SBF2: variants seen among roughly 807,000 people sequenced by gnomAD.
SBF2 encodes the protein myotubularin-related protein 13.
In SBF2, 112 loss-of-function variants were observed where a neutral mutation model predicts 225.2. The observed-to-expected ratio is 0.50, with a 90% CI of 0.43 to 0.58. SBF2 has a LOEUF of 0.58. Among genes scored for constraint, SBF2 ranks in the 20% least tolerant of loss-of-function variants. The pLI, the probability that SBF2 is intolerant of heterozygous loss-of-function variation, is 0.00. For synonymous variants in SBF2, 763 were observed against 773.3 expected, an observed-to-expected ratio of 0.99 and a Z score of 0.22; for missense variants, 1,996 against 2,206.2, an observed-to-expected ratio of 0.90 and a Z score of 1.91.
chr11:10,159,443 C>T (rs1271222827), intron 2 of SBF2, among the ~76,000 whole-genome samples: 2 of 152,190 alleles, frequency 1.3e-5, no homozygotes, highest in Non-Finnish European at 2.9e-5. Flanking sequence ...CTGCACTTGA[C>T]AGATCAGCTG....
intron 35 of SBF2, 40 bp downstream of exon 35, chr11:9,789,069 G>T: frequency 6.4e-7 from 1 of 1,569,210 alleles, no homozygotes; most frequent in Non-Finnish European, 8.8e-7. Flanking sequence ...TGCCTCCAGG[G>T]CCCCTGGTGC....
chr11:9,970,078 T>C (rs1867226050), intron 13 of SBF2, among the ~76,000 whole-genome samples: 1 of 152,214 alleles, frequency 6.6e-6, no homozygotes, highest in Non-Finnish European at 1.5e-5. Flanking sequence ...TAAAGTTCTC[T>C]AGGGAAGGCT....
At chr11:9,866,121 T>A (rs570493797) in intron 17 of SBF2, among the ~76,000 whole-genome samples, 51 of 152,304 alleles carry the variant, frequency 3.3e-4, no homozygotes, top group Admixed American at 1.2e-3. Context: ...TGCATATTGG[T>A]TATTTTTCTA....
At chr11:9,802,133 A>G (rs1853528518) in intron 32 of SBF2, among the ~76,000 whole-genome samples, 1 of 152,216 alleles carries the variant, frequency 6.6e-6, no homozygotes, top group African/African-American at 2.4e-5. Flanking sequence ...CATTCATACT[A>G]TTCATGTTTT....
chr11:10,287,256 G>T (rs940487456), intron 1 of SBF2, among the ~76,000 whole-genome samples: 2 of 152,168 alleles, frequency 1.3e-5, no homozygotes, highest in Non-Finnish European at 2.9e-5. Flanking sequence ...CTTTTTGGAA[G>T]CATGAAAATG....
intron 2 of SBF2, among the ~76,000 whole-genome samples, chr11:10,144,253 A>G (rs1490140173): frequency 6.6e-6 from 1 of 152,146 alleles, no homozygotes; most frequent in Non-Finnish European, 1.5e-5. Context: ...TTTGGGAGGC[A>G]GAAGTGGGCA....
chr11:10,065,322 A>G (rs1950589101), intron 2 of SBF2, among the ~76,000 whole-genome samples: 1 of 152,162 alleles, frequency 6.6e-6, no homozygotes, highest in Admixed American at 6.5e-5. Context: ...AGAAAGCTTC[A>G]ATCGATGAAC....
intron 16 of SBF2, 173 bp downstream of exon 16, chr11:9,961,784 A>G: frequency 1.8e-6 from 1 of 570,164 alleles, no homozygotes; most frequent in Non-Finnish European, 3.0e-6. Context: ...AAAACTCTTA[A>G]TATTTATGCC....
chr11:10,262,106 A>G (rs1488261486), intron 1 of SBF2, among the ~76,000 whole-genome samples: 1 of 152,188 alleles, frequency 6.6e-6, no homozygotes, highest in Admixed American at 6.5e-5. Context: ...CAAAAGAAAA[A>G]AAAAGTCCCC....
At chr11:9,871,419 AT>A (rs1172338583) in intron 17 of SBF2, among the ~76,000 whole-genome samples, 1 of 151,218 alleles carries the variant, frequency 6.6e-6, no homozygotes, top group African/African-American at 2.4e-5. Flanking sequence ...CATTAGAGAA[AT>A]GATAATCAAA....
intron 2 of SBF2, among the ~76,000 whole-genome samples, chr11:10,127,251 C>A (rs1281277874): frequency 2.0e-5 from 3 of 151,998 alleles, no homozygotes; most frequent in Non-Finnish European, 4.4e-5. Flanking sequence ...TTCCTTACTA[C>A]CTGGAATTAA....
intron 2 of SBF2, among the ~76,000 whole-genome samples, chr11:10,155,179 G>A (rs1455769932): frequency 6.6e-6 from 1 of 152,150 alleles, no homozygotes; most frequent in Non-Finnish European, 1.5e-5. Flanking sequence ...GCATATAGTT[G>A]TAATTCAGTA....
At chr11:10,273,324 T>G (rs539455682) in intron 1 of SBF2, among the ~76,000 whole-genome samples, 1 of 152,182 alleles carries the variant, frequency 6.6e-6, no homozygotes, top group African/African-American at 2.4e-5. Context: ...CTAGATGTTT[T>G]TGAACTCGAA....
chr11:10,051,891 T>C (rs1024334387), intron 2 of SBF2, among the ~76,000 whole-genome samples: 2 of 152,160 alleles, frequency 1.3e-5, no homozygotes, highest in South Asian at 2.1e-4. Context: ...GTACTCCTCA[T>C]AGAATTTGGA....
chr11:9,990,183 T>C (rs1947362042), intron 12 of SBF2, among the ~76,000 whole-genome samples: 1 of 151,322 alleles, frequency 6.6e-6, no homozygotes, highest in South Asian at 2.1e-4. Context: ...AAAAAAAAAA[T>C]TGTGGGGGGG....
chr11:10,202,774 C>T (rs1005814719), intron 1 of SBF2, among the ~76,000 whole-genome samples: 2 of 152,064 alleles, frequency 1.3e-5, no homozygotes, highest in African/African-American at 4.8e-5. Context: ...GGTGACAGAG[C>T]GAGACTCCGT....
intron 6 of SBF2, among the ~76,000 whole-genome samples, chr11:10,022,193 C>T (rs1308125436): frequency 6.6e-6 from 1 of 151,878 alleles, no homozygotes; most frequent in African/African-American, 2.4e-5. Flanking sequence ...ATAGAGTACA[C>T]AAGAATAATA....
intron 16 of SBF2, among the ~76,000 whole-genome samples, chr11:9,917,245 T>C (rs1379413142): frequency 2.6e-5 from 4 of 151,830 alleles, no homozygotes; most frequent in Non-Finnish European, 5.9e-5. Flanking sequence ...ATAATTTATC[T>C]TTTATAAAGT....
chr11:10,186,727 T>C (rs1956946145), intron 2 of SBF2, among the ~76,000 whole-genome samples: 1 of 152,148 alleles, frequency 6.6e-6, no homozygotes, highest in Non-Finnish European at 1.5e-5. Flanking sequence ...AAATGCATAA[T>C]TGCTTCCTCT....
Sources: allele counts gnomAD v4.1 joint callset (sites outside exome capture counted in the v4.1 genomes callset), GRCh38; gene constraint gnomAD v4.1.1; transcripts MANE v1.5; gene names NCBI Gene and HGNC (gene_info 2026-07-23, HGNC 2026-07-21).